The following TMEM132B variants were observed in gnomAD, a reference collection of about 807,000 sequenced individuals.
The protein encoded by TMEM132B is transmembrane protein 132B.
In TMEM132B, 18 loss-of-function variants were observed where a neutral mutation model predicts 90.8. The ratio of observed to expected loss-of-function variants is 0.20; its 90% CI spans 0.14 to 0.29. TMEM132B has a LOEUF of 0.29. Ranked by LOEUF, TMEM132B falls within the 10% of genes least tolerant of loss-of-function variation. TMEM132B has a pLI of 1.00. For synonymous variants in TMEM132B, 504 were observed against 523.3 expected (o/e 0.96, Z 0.50); for missense variants, 1,096 against 1,326.8 (o/e 0.83, Z 2.70).
intron 1 of TMEM132B, among the ~76,000 whole-genome samples, chr12:125,223,107 G>C (rs979050652): frequency 3.3e-5 from 5 of 152,220 alleles, no homozygotes; most frequent in African/African-American, 1.2e-4. Flanking sequence ...TGACCAATGA[G>C]GAACTCTCTC....
At chr12:125,316,701 AATGTCCTGTGGCAGAACGGTGCCAG>A (rs1458132468) in intron 1 of TMEM132B, among the ~76,000 whole-genome samples, 9 of 151,812 alleles carry the variant, frequency 5.9e-5, no homozygotes, top group Non-Finnish European at 1.3e-4. Context: ...AGGAAGTGCA[AATGTCCTGTGGCAGAACGGTGCCAG>A]ATGTCCACTA....
intron 1 of TMEM132B, among the ~76,000 whole-genome samples, chr12:125,338,810 T>C (rs1376004537): frequency 6.6e-6 from 1 of 152,240 alleles, no homozygotes. Flanking sequence ...GATAATAGGT[T>C]TTTTCCTTTT....
intron 1 of TMEM132B, among the ~76,000 whole-genome samples, chr12:125,336,798 C>T (rs1566005633): frequency 6.6e-6 from 1 of 152,204 alleles, no homozygotes; most frequent in African/African-American, 2.4e-5. Flanking sequence ...TGATGGCAGA[C>T]CCGGGGCTCC....
chr12:125,601,273 A>G (rs147036623), intron 5 of TMEM132B, among the ~76,000 whole-genome samples: 153 of 152,356 alleles, frequency 1.0e-3, no homozygotes, highest in African/African-American at 3.4e-3. Context: ...CTCTCAGACC[A>G]CGGTGAAATC....
Position 125,657,062 on chromosome 12 carries a change from T to C in TMEM132B, c.*2352T>C, listed in dbSNP as rs1429858505. 6.6e-6 allele frequency: 1 copy of C among 152,212 alleles called. No homozygotes were observed. Among genetic ancestry groups the C allele is most frequent in the Non-Finnish European group, 1.5e-5 (1 of 68,062 alleles). The allele number at this position is 152,212 out of a possible 1,614,324, so 9.4% of individuals were successfully genotyped here. A position where few individuals can be genotyped will look rare whatever the true frequency, so the allele number is the denominator to read the frequency against. On this transcript the variant is annotated 3_prime_UTR_variant, in exon 9 of 9. Coordinates refer to ENST00000682704, the MANE Select transcript of TMEM132B (RefSeq NM_001366854.1). ...ATTAGAGCATTCCCTCTGATGGCAGTGCTTGACGGGGTGCAGGGAACAAAC... is the reference window on the plus strand; with the variant it reads ...ATTAGAGCATTCCCTCTGATGGCAGCGCTTGACGGGGTGCAGGGAACAAAC...
chr12:125,362,721 G>T (rs1877999062), intron 2 of TMEM132B, among the ~76,000 whole-genome samples: 1 of 152,168 alleles, frequency 6.6e-6, no homozygotes, highest in Non-Finnish European at 1.5e-5. Flanking sequence ...TGCAGTATTT[G>T]TCCTTCTATA....
intron 5 of TMEM132B, among the ~76,000 whole-genome samples, chr12:125,609,891 T>A (rs1885785001): frequency 6.6e-6 from 1 of 151,330 alleles, no homozygotes; most frequent in African/African-American, 2.4e-5. Context: ...TATTTTCATT[T>A]GCTTATGTAT....
chr12:125,452,396 A>G (rs1403352410), intron 3 of TMEM132B, among the ~76,000 whole-genome samples: 1 of 152,180 alleles, frequency 6.6e-6, no homozygotes, highest in Non-Finnish European at 1.5e-5. Context: ...ATTGACAGAC[A>G]TTTAGTTTTT....
chr12:125,489,047 A>G (rs915915546), intron 3 of TMEM132B, among the ~76,000 whole-genome samples: 1 of 152,270 alleles, frequency 6.6e-6, no homozygotes, highest in Non-Finnish European at 1.5e-5. Context: ...TGTTTTTACC[A>G]GATACTGGTC....
intron 1 of TMEM132B, among the ~76,000 whole-genome samples, chr12:125,253,853 G>A (rs1022454227): frequency 1.2e-4 from 19 of 152,306 alleles, no homozygotes; most frequent in African/African-American, 3.8e-4. Flanking sequence ...GAAGCAGAGG[G>A]TCAGGTTCTG....
rs969692650 is a variant in TMEM132B at position 125,590,298 on chromosome 12, A to G, written c.1437+6304A>G. Reference sequence around the variant, plus strand: ...GAATGTTAACTGCTACTTGATTGTAAGGTCCACAATATCTATGATTATGTC... The same window carrying G: ...GAATGTTAACTGCTACTTGATTGTAGGGTCCACAATATCTATGATTATGTC... On this transcript the variant is annotated intron_variant, in intron 5 of 8. Transcript: ENST00000682704. 9.2e-5 allele frequency among the ~76,000 whole-genome samples: 14 copies of G among 152,330 alleles called. No individual in the cohort carries two copies. In the East Asian group the frequency reaches 2.5e-3, roughly 27 times the overall value.
chr12:125,231,852 T>G (rs1351998206), intron 1 of TMEM132B, among the ~76,000 whole-genome samples: 2 of 151,660 alleles, frequency 1.3e-5, no homozygotes, highest in Non-Finnish European at 2.9e-5. Flanking sequence ...ACAGTTCAAA[T>G]AGTAAAGTTA....
chr12:125,225,911 T>C lies in TMEM132B; in HGVS notation c.67+39045T>C, dbSNP rs989236677. Among the ~76,000 whole-genome samples the C allele has an allele frequency of 2.0e-5, 3 of 152,170 alleles. No homozygotes were observed. The East Asian group carries it at 5.8e-4, about 29-fold the overall frequency. Reference sequence around the variant, plus strand: ...ACCTGTGGGCCCAGGACAAACAGTATGGTCAAATCACCATCCTAGGGGAGC... The same window carrying C: ...ACCTGTGGGCCCAGGACAAACAGTACGGTCAAATCACCATCCTAGGGGAGC... On this transcript the variant is annotated intron_variant, in intron 1 of 8. Coordinates refer to ENST00000682704, the MANE Select transcript of TMEM132B (RefSeq NM_001366854.1).
chr12:125,517,327 ATTTTTTTTTTTTTTTTTTTT>A (rs56147854), intron 3 of TMEM132B, among the ~76,000 whole-genome samples: 19 of 28,488 alleles, frequency 6.7e-4, no homozygotes, highest in East Asian at 1.8e-3. Context: ...TGCCCTGCTG[ATTTTTTTTTTTTTTTTTTTT>A]TTTTTTTTTT....
intron 2 of TMEM132B, among the ~76,000 whole-genome samples, chr12:125,395,303 T>G (rs946402246): frequency 1.3e-5 from 2 of 152,206 alleles, no homozygotes; most frequent in African/African-American, 4.8e-5. Context: ...AAAGTTGATA[T>G]GACCAGACAT....
intron 1 of TMEM132B, among the ~76,000 whole-genome samples, chr12:125,337,234 G>A (rs1593091500): frequency 6.6e-6 from 1 of 152,142 alleles, no homozygotes; most frequent in Non-Finnish European, 1.5e-5. Flanking sequence ...TGTCCAAATC[G>A]TAAGCCTATA....
chr12:125,188,852 C>CAAAAAAAAAAAAAAAA (rs72059024), intron 1 of TMEM132B, among the ~76,000 whole-genome samples: 2 of 91,234 alleles, frequency 2.2e-5, no homozygotes, highest in Non-Finnish European at 2.1e-5. Context: ...GGAGGGATGG[C>CAAAAAAAAAAAAAAAA]AAAAAAAAAA....
chr12:125,241,422 TGA>T (rs1283283927), intron 1 of TMEM132B, among the ~76,000 whole-genome samples: 3 of 152,216 alleles, frequency 2.0e-5, no homozygotes, highest in Non-Finnish European at 2.9e-5. Context: ...TTTCATGATG[TGA>T]GTTTTTTCCA....
chr12:125,499,976 C>T (rs930221549), intron 3 of TMEM132B, among the ~76,000 whole-genome samples: 1 of 152,094 alleles, frequency 6.6e-6, no homozygotes, highest in Admixed American at 6.6e-5. Flanking sequence ...ATCAAATGAC[C>T]CTAAATCCCT....
Sources: gnomAD v4.1 joint callset for allele counts (sites outside exome capture counted in the v4.1 genomes callset) on GRCh38, gnomAD v4.1.1 for gene constraint, MANE v1.5 for transcripts, NCBI Gene and HGNC (gene_info 2026-07-23, HGNC 2026-07-21) for gene names.